The following OSMR variants were observed in gnomAD, a reference collection of about 807,000 sequenced individuals.
The protein encoded by OSMR is oncostatin-M-specific receptor subunit beta.
A neutral mutation model predicts 99.9 loss-of-function variants in OSMR; 81 were observed. That is an observed-to-expected ratio of 0.81 (90% CI 0.68 to 0.97). OSMR has a LOEUF of 0.97. OSMR is among the 50% of genes least tolerant of loss of function. OSMR has a pLI of 0.00. For synonymous variants in OSMR, 406 were observed against 410.4 expected, an observed-to-expected ratio of 0.99 and a Z score of 0.13; for missense variants, 1,099 against 1,153.4, an observed-to-expected ratio of 0.95 and a Z score of 0.68.
At chr5:38,932,820 T>G (rs1355279909) in intron 17 of OSMR, 52 bp from the exon 18 acceptor site, 5 of 1,610,844 alleles carry the variant, frequency 3.1e-6, no homozygotes, top group Non-Finnish European at 4.2e-6. Flanking sequence ...CTTTGATGCA[T>G]GCATGCACAC....
At chr5:38,912,271 A>G (rs1020843117) in intron 9 of OSMR, among the ~76,000 whole-genome samples, 3 of 152,200 alleles carry the variant, frequency 2.0e-5, no homozygotes, top group Admixed American at 6.5e-5. Context: ...TAGTATTTCT[A>G]TACACCAATA....
rs757345549 is a variant in OSMR at position 38,868,998 on chromosome 5, T to TA, written c.-13-30dup. On this transcript the variant is annotated intron_variant, in intron 1 of 17. Transcript: ENST00000274276. ...AAATTTGCCAGTATTGAAAATTAAATAAAATTTTCCTTCTTATAATTTATC... is the reference window on the plus strand; with the variant it reads ...AAATTTGCCAGTATTGAAAATTAAATAAAAATTTTCCTTCTTATAATTTATC... 3.7e-6 allele frequency: 6 copies of TA among 1,608,318 alleles called. No individual in the cohort carries two copies. In the Admixed American group the frequency reaches 1.0e-4, roughly 27 times the overall value.
chr5:38,898,027 T>C (rs578011630), intron 7 of OSMR, among the ~76,000 whole-genome samples: 112 of 152,344 alleles, frequency 7.4e-4, no homozygotes, highest in Non-Finnish European at 1.3e-3. Flanking sequence ...TAACATATAA[T>C]CTATCCTTGA....
At chr5:38,941,505 G>A (rs528378455) in intron 1 of OSMR, 2 of 231,336 alleles carry the variant, frequency 8.6e-6, no homozygotes, top group Non-Finnish European at 1.7e-5. Flanking sequence ...GATGAAAGTG[G>A]AAGTCCATTG....
At chr5:38,875,175 G>C (rs539774222) in intron 2 of OSMR, among the ~76,000 whole-genome samples, 1 of 152,170 alleles carries the variant, frequency 6.6e-6, no homozygotes, top group Non-Finnish European at 1.5e-5. Context: ...TGATTTTATC[G>C]ATGCAGGCTT....
chr5:38,925,095 G>C (rs1746413099), intron 14 of OSMR, 109 bp from the exon 15 acceptor site: 5 of 1,547,294 alleles, frequency 3.2e-6, no homozygotes, highest in Non-Finnish European at 3.5e-6. Flanking sequence ...CATGTTGGTG[G>C]TGCTGAGTTA....
intron 1 of OSMR, among the ~76,000 whole-genome samples, chr5:38,864,540 G>T (rs57489335): frequency 6.8e-6 from 1 of 147,320 alleles, no homozygotes; most frequent in Non-Finnish European, 1.5e-5. Context: ...CTTGCCTGAA[G>T]TTTTTTTTTT....
At chr5:38,864,954 C>G (rs1052557962) in intron 1 of OSMR, among the ~76,000 whole-genome samples, 2 of 152,182 alleles carry the variant, frequency 1.3e-5, no homozygotes, top group Non-Finnish European at 1.5e-5. Flanking sequence ...CTGTCTGTAT[C>G]TCTGTCTTTC....
chr5:38,879,622 C>CG (rs1743106327), intron 3 of OSMR, among the ~76,000 whole-genome samples: 1 of 131,256 alleles, frequency 7.6e-6, no homozygotes, highest in East Asian at 2.2e-4. Context: ...ATATTTGCTC[C>CG]TTTTTTTTTT....
intron 9 of OSMR, among the ~76,000 whole-genome samples, chr5:38,906,163 C>T (rs1034945319): frequency 6.0e-5 from 7 of 116,120 alleles, no homozygotes; most frequent in African/African-American, 1.4e-4. Context: ...TTTTGCTTTA[C>T]GTTTTCTGTT....
chr5:38,909,339 A>G lies in OSMR; in HGVS notation c.1285+4836A>G, dbSNP rs145446592. ...AATTTCCCCAGCCTCACTGGAGAGG[A>G]CAACATTCAAATTCAGGAAATGCAG... On this transcript the variant is annotated intron_variant, in intron 9 of 17. Coordinates refer to ENST00000274276, the MANE Select transcript of OSMR (RefSeq NM_003999.3). Among the ~76,000 whole-genome samples the G allele has an allele frequency of 6.8e-3, 1,042 of 152,342 alleles. 10 individuals carry two copies. Among genetic ancestry groups the G allele is most frequent in the African/African-American group, 0.024 (985 of 41,578 alleles).
At chr5:38,937,013 G>T (rs372288692), downstream of OSMR, among the ~76,000 whole-genome samples, 7 of 152,308 alleles carry the variant, frequency 4.6e-5, 1 homozygote, top group African/African-American at 1.7e-4. This position sits in a 1 kb window ranked among gnomAD's most constrained non-coding sequence, Gnocchi z 4.0. Context: ...TGATGAATTT[G>T]TAAGTATGCT....
At chr5:38,913,267 G>A (rs994916318) in intron 9 of OSMR, among the ~76,000 whole-genome samples, 2 of 151,984 alleles carry the variant, frequency 1.3e-5, no homozygotes, top group Non-Finnish European at 2.9e-5. Context: ...GTGGGCAAAA[G>A]GGCCAGGCGC....
intron 2 of OSMR, among the ~76,000 whole-genome samples, chr5:38,870,778 G>A (rs1322239825): frequency 3.3e-5 from 5 of 152,204 alleles, no homozygotes; most frequent in Non-Finnish European, 7.3e-5. Flanking sequence ...TCACTTTGGT[G>A]CCTTATCTAC....
At position 38,919,003 on chromosome 5, in the gene OSMR, A is replaced by G. The variant is rs1375832373; in HGVS notation, c.1526A>G (p.Asn509Ser). 3 of 1,614,062 alleles carry G rather than the reference A, an allele frequency of 1.9e-6. No homozygotes were observed. Among genetic ancestry groups the G allele is most frequent in the South Asian group, 1.1e-5 (1 of 91,084 alleles). Residue 509 changes from asparagine (N) to serine (S), a missense_variant, in exon 11 of 18, where the codon AAC becomes AGC. Transcript: ENST00000274276. ...RCSYQICVIANNSVGASPASV... is the reference protein window; with the variant it reads ...RCSYQICVIASNSVGASPASV... Reference sequence around the variant, plus strand: ...TCCTACCAAATCTGCGTCATAGCCAACAACAGTGTGGGTGCTTCTCCTGCT... The same window carrying G: ...TCCTACCAAATCTGCGTCATAGCCAGCAACAGTGTGGGTGCTTCTCCTGCT...
intron 12 of OSMR, among the ~76,000 whole-genome samples, chr5:38,922,845 A>G (rs1746299382): frequency 6.6e-6 from 1 of 152,220 alleles, no homozygotes; most frequent in Non-Finnish European, 1.5e-5. Context: ...GCTTGATCTC[A>G]GCTCATTGCA....
chr5:38,877,903 T>C (rs1742967546), intron 3 of OSMR, among the ~76,000 whole-genome samples: 1 of 152,096 alleles, frequency 6.6e-6, no homozygotes, highest in Non-Finnish European at 1.5e-5. Flanking sequence ...CCCGTAAGAG[T>C]CCTCTTTTCA....
intron 1 of OSMR, among the ~76,000 whole-genome samples, chr5:38,848,256 T>G (rs1244593780): frequency 6.6e-6 from 1 of 152,106 alleles, no homozygotes; most frequent in African/African-American, 2.4e-5. Context: ...TTAAAAAATG[T>G]GTAAAATGGG....
At chr5:38,910,124 AAAGAAGGGCATTACAT>A in intron 9 of OSMR, among the ~76,000 whole-genome samples, 2 of 152,366 alleles carry the variant, frequency 1.3e-5, no homozygotes, top group East Asian at 3.9e-4. Context: ...CAGAAAAGAC[AAAGAAGGGCATTACAT>A]AATGGTAAAG....
Sources: gnomAD v4.1 joint callset for allele counts (sites outside exome capture counted in the v4.1 genomes callset) on GRCh38, gnomAD v4.1.1 for gene constraint, Gnocchi (gnomAD v3.1) non-coding constraint, MANE v1.5 for transcripts, NCBI Gene and HGNC (gene_info 2026-07-23, HGNC 2026-07-21) for gene names.